Variants in RARB observed in about 807,000 individuals in gnomAD.
The protein encoded by RARB is HBV-activated protein.
Under a neutral mutation model 51.9 loss-of-function variants are expected in RARB, and 17 were observed. The observed-to-expected ratio is 0.33, with a 90% confidence interval of 0.22 to 0.49. The LOEUF is 0.49. Ranked by LOEUF, RARB falls within the 20% of genes least tolerant of loss-of-function variation. The pLI is 0.99. For synonymous variants in RARB, 215 were observed against 195.4 expected, an observed-to-expected ratio of 1.10 and a Z score of -0.84; for missense variants, 369 against 550.8, an observed-to-expected ratio of 0.67 and a Z score of 3.30.
chr3:25,508,586 G>C (rs1575471972), intron 3 of RARB, among the ~76,000 whole-genome samples: 1 of 152,110 alleles, frequency 6.6e-6, no homozygotes, highest in East Asian at 1.9e-4. Context: ...TCATCATCAG[G>C]GCACTTAATG....
intron 3 of RARB, among the ~76,000 whole-genome samples, chr3:25,512,804 T>C (rs1697961218): frequency 6.6e-6 from 1 of 152,160 alleles, no homozygotes; most frequent in African/African-American, 2.4e-5. Context: ...TCAAACTGTT[T>C]TTTGGGTGGT....
At chr3:24,886,939 C>T (rs953941851) in intron 2 of RARB, among the ~76,000 whole-genome samples, 3 of 152,172 alleles carry the variant, frequency 2.0e-5, no homozygotes, top group Non-Finnish European at 2.9e-5. Flanking sequence ...TCCTCTTTCC[C>T]GTTGGGAGTT....
chr3:24,967,259 C>T (rs1156563944), intron 2 of RARB, among the ~76,000 whole-genome samples: 2 of 152,090 alleles, frequency 1.3e-5, no homozygotes, highest in African/African-American at 2.4e-5. Context: ...CTTCCCTCAG[C>T]TAGATTTATT....
intron 2 of RARB, among the ~76,000 whole-genome samples, chr3:24,994,994 AATGTT>A (rs1696991822): frequency 6.6e-6 from 1 of 152,114 alleles, no homozygotes; most frequent in African/African-American, 2.4e-5. Flanking sequence ...GTTCCATAGA[AATGTT>A]AGGATATTTT....
At chr3:25,418,406 A>G (rs938435543) in intron 5 of RARB, among the ~76,000 whole-genome samples, 1 of 152,192 alleles carries the variant, frequency 6.6e-6, no homozygotes, top group African/African-American at 2.4e-5. Context: ...ATTGTCTTCC[A>G]TTGAAGTAGA....
intron 1 of RARB, among the ~76,000 whole-genome samples, chr3:24,853,599 T>C (rs922699677): frequency 2.1e-4 from 32 of 152,168 alleles, no homozygotes; most frequent in African/African-American, 7.5e-4. Flanking sequence ...AGTCAAATGT[T>C]AAATGCAAAT....
intron 5 of RARB, among the ~76,000 whole-genome samples, chr3:25,393,045 T>G (rs1379934128): frequency 6.6e-6 from 1 of 152,158 alleles, no homozygotes; most frequent in Non-Finnish European, 1.5e-5. Flanking sequence ...TGGCTTTTAT[T>G]ACCTTAAGGT....
intron 2 of RARB, among the ~76,000 whole-genome samples, chr3:24,962,427 C>G (rs2125412362): frequency 6.6e-6 from 1 of 152,262 alleles, no homozygotes; most frequent in Admixed American, 6.5e-5. Context: ...TGTCTCAAGG[C>G]ACTGCTGAAT....
At chr3:25,092,283 G>T (rs185414854) in intron 3 of RARB, among the ~76,000 whole-genome samples, 81 of 152,316 alleles carry the variant, frequency 5.3e-4, no homozygotes, top group Middle Eastern at 3.4e-3. Flanking sequence ...TTTGAGAACA[G>T]AATGGCAAAG....
Position 25,018,876 on chromosome 3 carries a change from T to C in RARB, c.-379-41249T>C, listed in dbSNP as rs533860778. Reference sequence around the variant, plus strand: ...AAGAAACTTTCGTAAGCACCGGCGCTGGAAACACATATTTGAAAACTCATT... The same window carrying C: ...AAGAAACTTTCGTAAGCACCGGCGCCGGAAACACATATTTGAAAACTCATT... On this transcript the variant is annotated intron_variant, in intron 2 of 11. Coordinates refer to the RARB transcript ENST00000383772. Among the ~76,000 whole-genome samples the C allele has an allele frequency of 1.6e-3, 243 of 152,296 alleles. 1 individual carries two copies. Among genetic ancestry groups the C allele is most frequent in the African/African-American group, 5.6e-3 (233 of 41,568 alleles).
At chr3:25,249,468 G>T (rs1440486552) in intron 5 of RARB, among the ~76,000 whole-genome samples, 3 of 152,072 alleles carry the variant, frequency 2.0e-5, no homozygotes, top group Admixed American at 6.6e-5. Flanking sequence ...CTGGAAAATT[G>T]TTGTGATCCT....
intron 3 of RARB, among the ~76,000 whole-genome samples, chr3:25,088,170 G>T (rs1699135026): frequency 6.6e-6 from 1 of 152,048 alleles, no homozygotes; most frequent in African/African-American, 2.4e-5. Context: ...GTGAAACCTT[G>T]TTGTGATGAA....
chr3:24,995,846 T>A (rs894880736), intron 2 of RARB, among the ~76,000 whole-genome samples: 1 of 152,040 alleles, frequency 6.6e-6, no homozygotes, highest in Non-Finnish European at 1.5e-5. Flanking sequence ...TTTGATGTGT[T>A]GTTGGATTTG....
At chr3:25,409,103 C>T (rs746432276) in intron 5 of RARB, among the ~76,000 whole-genome samples, 14 of 152,174 alleles carry the variant, frequency 9.2e-5, no homozygotes, top group South Asian at 2.1e-4. Context: ...ACAGTGCCAA[C>T]GCAGCAAGTA....
At chr3:25,026,774 G>T (rs1697758750) in intron 2 of RARB, among the ~76,000 whole-genome samples, 1 of 152,102 alleles carries the variant, frequency 6.6e-6, no homozygotes, top group African/African-American at 2.4e-5. Context: ...AATTTTTGTG[G>T]TATAAATACT....
chr3:24,875,983 A>G (rs1289441002), intron 2 of RARB, among the ~76,000 whole-genome samples: 1 of 152,076 alleles, frequency 6.6e-6, no homozygotes. Flanking sequence ...CTCCTCTGCT[A>G]GTTACTTTTT....
At chr3:25,310,559 A>G (rs916843396) in intron 5 of RARB, among the ~76,000 whole-genome samples, 1 of 152,210 alleles carries the variant, frequency 6.6e-6, no homozygotes, top group Non-Finnish European at 1.5e-5. Context: ...CAGTATGTTC[A>G]GAGTGATTCT....
At chr3:25,095,044 T>C (rs1699269984) in intron 3 of RARB, among the ~76,000 whole-genome samples, 3 of 152,198 alleles carry the variant, frequency 2.0e-5, no homozygotes, top group South Asian at 4.1e-4. Flanking sequence ...GTAGAGCTGC[T>C]CTTCCTCCTT....
At chr3:25,512,938 A>G (rs1400940427) in intron 3 of RARB, among the ~76,000 whole-genome samples, 1 of 152,062 alleles carries the variant, frequency 6.6e-6, no homozygotes, top group Non-Finnish European at 1.5e-5. Context: ...TTTTATTTAT[A>G]TCTTTAATTG....
Sources: gnomAD v4.1 joint callset for allele counts (sites outside exome capture counted in the v4.1 genomes callset) on GRCh38, gnomAD v4.1.1 for gene constraint, MANE v1.5 for transcripts, NCBI Gene and HGNC (gene_info 2026-07-23, HGNC 2026-07-21) for gene names.